Variants in LUC7L3 observed in about 807,000 individuals in gnomAD.
The protein encoded by LUC7L3 is LUC7 like 3 pre-mRNA splicing factor.
LUC7L3 carries 6 observed loss-of-function variants against 66.8 expected under a neutral mutation model. That is an observed-to-expected ratio of 0.09 (90% CI 0.05 to 0.18). The LOEUF is 0.18. Among genes scored for constraint, LUC7L3 ranks in the 10% least tolerant of loss-of-function variants. The pLI, the probability that LUC7L3 is intolerant of heterozygous loss-of-function variation, is 1.00. For synonymous variants in LUC7L3, 160 were observed against 174.7 expected, an observed-to-expected ratio of 0.92 and a Z score of 0.66; for missense variants, 341 against 531.1, an observed-to-expected ratio of 0.64 and a Z score of 3.52.
Position 50,741,659 on chromosome 17 carries a change from C to T in LUC7L3, c.354C>T (p.Ala118=), listed in dbSNP as rs150132332. ...ALSQNQQSSG[A]AGPTGKNEEK... is the part of the protein sequence containing the mutation. The stretch of plus-strand genomic sequence containing the variant: ...ATACGTTTTATTGTCTTCAATAGGC[C>T]GCTGGCCCAACAGGCAAAAATGAAG... The change falls in exon 5 of 10, where the codon GCC becomes GCT. Residue 118 remains alanine (A), a splice_region_variant and synonymous_variant. Transcript: ENST00000505658. 780 of 1,611,238 alleles carry T rather than the reference C, an allele frequency of 4.8e-4. No homozygotes were observed. Among genetic ancestry groups the T allele is most frequent in the Non-Finnish European group, 6.0e-4 (710 of 1,177,816 alleles).
rs1423326928 is a variant in LUC7L3 at position 50,724,797 on chromosome 17, T to C, written c.99+4966T>C. Reference sequence around the variant, plus strand: ...TTACCCCCGAGATGGAGTCTTGCTCTGTTGCCCAGGTTGGAGTGCAGTGGT... The same window carrying C: ...TTACCCCCGAGATGGAGTCTTGCTCCGTTGCCCAGGTTGGAGTGCAGTGGT... On this transcript the variant is annotated intron_variant, in intron 1 of 9. Coordinates refer to ENST00000505658, the MANE Select transcript of LUC7L3 (RefSeq NM_016424.5). 2.0e-5 allele frequency among the ~76,000 whole-genome samples: 3 copies of C among 147,504 alleles called. No individual in the cohort carries two copies. In the Admixed American group the frequency reaches 2.1e-4, roughly 10 times the overall value.
At chr17:50,731,759 G>A (rs1297722383) in intron 1 of LUC7L3, among the ~76,000 whole-genome samples, 3 of 152,168 alleles carry the variant, frequency 2.0e-5, no homozygotes, top group Non-Finnish European at 4.4e-5. Context: ...GTCAGGGCAG[G>A]TCATGTGGTC....
At chr17:50,720,052 CT>C (rs1968636510) in intron 1 of LUC7L3, among the ~76,000 whole-genome samples, 1 of 152,214 alleles carries the variant, frequency 6.6e-6, no homozygotes, top group Non-Finnish European at 1.5e-5. Flanking sequence ...CGGGAGAGCC[CT>C]TGGCATAATT....
At chr17:50,738,262 C>A in intron 2 of LUC7L3, 1 of 366,318 alleles carries the variant, frequency 2.7e-6, no homozygotes, top group Non-Finnish European at 5.4e-6. Context: ...TATGATAAAG[C>A]CCATTCATGA....
At chr17:50,750,393 G>T (rs568143337) in intron 9 of LUC7L3, 108 bp from the exon 10 acceptor site, 5 of 1,045,480 alleles carry the variant, frequency 4.8e-6, no homozygotes, top group Non-Finnish European at 7.0e-6. Context: ...CTTGCAGTCT[G>T]TGGGAAATGA....
At position 50,750,730 on chromosome 17, in the gene LUC7L3, T is replaced by C; in HGVS notation, c.*69T>C. 6.2e-7 allele frequency: 1 copy of C among 1,613,170 alleles called. No homozygotes were observed. The highest frequency in any genetic ancestry group is 1.6e-4 in the Middle Eastern group (1 of 6,062). The stretch of plus-strand genomic sequence containing the variant: ...TGTTTCTCACTTTGATTAGGGCTTT[T>C]TGTTACTGTTTGACAGTGCAGCGTA... On this transcript the variant is annotated 3_prime_UTR_variant, in exon 10 of 10. Transcript: ENST00000505658.
At chr17:50,740,274 G>A in intron 2 of LUC7L3, 32 bp from the exon 3 acceptor site, 1 of 1,507,380 alleles carries the variant, frequency 6.6e-7, no homozygotes, top group Non-Finnish European at 9.1e-7. Flanking sequence ...AATAATCACA[G>A]ATAATTTATA....
At chr17:50,738,226 A>G in intron 2 of LUC7L3, 1 of 431,344 alleles carries the variant, frequency 2.3e-6, no homozygotes. Flanking sequence ...AATCTCTTAA[A>G]AGAAAGTCTT....
chr17:50,733,632 A>T (rs1162675187), intron 1 of LUC7L3, among the ~76,000 whole-genome samples: 1 of 151,726 alleles, frequency 6.6e-6, no homozygotes, highest in Non-Finnish European at 1.5e-5. Context: ...CAATCTCCTG[A>T]CCTCGTGATC....
rs538371775 is a variant in LUC7L3 at position 50,754,480 on chromosome 17, T to C, written c.*3819T>C. The C allele has an allele frequency of 6.6e-6, 1 of 152,324 alleles. No individual in the cohort carries two copies. The allele number at this position is 152,324 out of a possible 1,614,324, so 9.4% of individuals were successfully genotyped here. A position where few individuals can be genotyped will look rare whatever the true frequency, so the allele number is the denominator to read the frequency against. On this transcript the variant is annotated 3_prime_UTR_variant, in exon 10 of 10. Coordinates refer to ENST00000505658, the MANE Select transcript of LUC7L3 (RefSeq NM_016424.5). ...CCTCTTAAATAACAGTTCATTAGTA[T>C]AAAACAAATTGGGTAAACTTTTGTT...
At chr17:50,742,836 C>T (rs540836889) in intron 5 of LUC7L3, among the ~76,000 whole-genome samples, 51 of 152,276 alleles carry the variant, frequency 3.3e-4, no homozygotes, top group African/African-American at 1.2e-3. Context: ...AAATACCCAT[C>T]AGCAGGTGAG....
Position 50,751,284 on chromosome 17 carries a change from A to G in LUC7L3, c.*623A>G. The G allele has an allele frequency of 2.3e-6, 3 of 1,328,780 alleles. No individual in the cohort carries two copies. Among genetic ancestry groups the G allele is most frequent in the Non-Finnish European group, 3.0e-6 (3 of 1,015,024 alleles). 82.3% of individuals were successfully genotyped at this position (1,328,780 alleles called of 1,614,324 possible). On this transcript the variant is annotated 3_prime_UTR_variant, in exon 10 of 10. Transcript: ENST00000505658. ...TTATGAATTATTGCAGCTGACTACC[A>G]TACCTCACACAGCGTTGGTGTTGTG...
At chr17:50,738,190 A>G in intron 2 of LUC7L3, 1 of 455,466 alleles carries the variant, frequency 2.2e-6, no homozygotes. Context: ...CTGAGAAGTG[A>G]TCTCTGCAGG....
chr17:50,736,992 T>G lies in LUC7L3; in HGVS notation c.132T>G (p.Pro44=). Reference sequence around the variant, plus strand: ...AATATTATCTCTGTGGTTTTTGTCCTGCGGAATTGTTCACAAATACACGTT... The same window carrying G: ...AATATTATCTCTGTGGTTTTTGTCCGGCGGAATTGTTCACAAATACACGTT... ...VCKYYLCGFC[P]AELFTNTRSD... is the part of the protein sequence containing the mutation. The change falls in exon 2 of 10, where the codon CCT becomes CCG. Residue 44 remains proline (P), a synonymous_variant. Coordinates refer to ENST00000505658, the MANE Select transcript of LUC7L3 (RefSeq NM_016424.5). The G allele has an allele frequency of 6.2e-7, 1 of 1,610,826 alleles. No individual in the cohort carries two copies. The highest frequency in any genetic ancestry group is 8.5e-7 in the Non-Finnish European group (1 of 1,178,328).
rs1363568950 is a variant in LUC7L3 at position 50,752,285 on chromosome 17, A to G, written c.*1624A>G. On this transcript the variant is annotated 3_prime_UTR_variant, in exon 10 of 10. Transcript: ENST00000505658. ...TTAAAAAATGAGGTGAAAGAAAGCT[A>G]TAGTGGCATAGAAAAAGTATAAAGC... is the stretch of plus-strand genomic sequence containing the variant. 2.6e-6 allele frequency: 3 copies of G among 1,145,388 alleles called. No homozygotes were observed. The highest frequency in any genetic ancestry group is 3.4e-6 in the Non-Finnish European group (3 of 873,888). The allele number at this position is 1,145,388 out of a possible 1,614,324, so 71.0% of individuals were successfully genotyped here. A position where few individuals can be genotyped will look rare whatever the true frequency, so the allele number is the denominator to read the frequency against.
At chr17:50,746,769 C>T (rs1970694578) in intron 9 of LUC7L3, 67 bp downstream of exon 9, 6 of 1,415,050 alleles carry the variant, frequency 4.2e-6, no homozygotes, top group South Asian at 1.3e-5. Context: ...ACTCACTTTT[C>T]TCCAGACACA....
intron 1 of LUC7L3, among the ~76,000 whole-genome samples, chr17:50,732,184 G>A (rs973978739): frequency 1.3e-5 from 2 of 152,178 alleles, no homozygotes; most frequent in Non-Finnish European, 2.9e-5. Context: ...TTTACAGTAA[G>A]TACATGTTCT....
At chr17:50,736,000 G>A (rs1018387698) in intron 1 of LUC7L3, among the ~76,000 whole-genome samples, 2 of 152,174 alleles carry the variant, frequency 1.3e-5, no homozygotes, top group African/African-American at 4.8e-5. Flanking sequence ...GGGCATGGTG[G>A]CACATACCTG....
At chr17:50,741,871 G>GGT in intron 5 of LUC7L3, 140 bp downstream of exon 5, 2 of 616,486 alleles carry the variant, frequency 3.2e-6, no homozygotes, top group Non-Finnish European at 5.6e-6. Flanking sequence ...GATTGCTTGA[G>GGT]CCGGAGAATT....
Sources: gnomAD v4.1 joint callset for allele counts (sites outside exome capture counted in the v4.1 genomes callset) on GRCh38, gnomAD v4.1.1 for gene constraint, MANE v1.5 for transcripts, NCBI Gene and HGNC (gene_info 2026-07-23, HGNC 2026-07-21) for gene names.